The following USP6 variants were observed in gnomAD, a reference collection of about 807,000 sequenced individuals.
USP6 encodes the protein ubiquitin carboxyl-terminal hydrolase 6.
In USP6, 128 loss-of-function variants were observed where a neutral mutation model predicts 175.7. The observed-to-expected ratio is 0.73, with a 90% CI of 0.63 to 0.84. The LOEUF (loss-of-function observed/expected upper bound fraction) is 0.84, where lower values mean the gene tolerates loss of function less well. Ranked by LOEUF, USP6 falls within the 40% of genes least tolerant of loss-of-function variation. The pLI, the probability that USP6 is intolerant of heterozygous loss-of-function variation, is 0.00. For synonymous variants in USP6, 562 were observed against 630.6 expected, an observed-to-expected ratio of 0.89 and a Z score of 1.63; for missense variants, 1,498 against 1,760.3, an observed-to-expected ratio of 0.85 and a Z score of 2.67.
chr17:5,121,271 C>T (rs1457219914), intron 3 of USP6, 104 bp from the exon 4 acceptor site: 1 of 363,086 alleles, frequency 2.8e-6, no homozygotes, highest in Non-Finnish European at 5.4e-6. Flanking sequence ...GCCTTTGGGG[C>T]CCCATAGAGG....
chr17:5,121,567 T>A lies in USP6; in HGVS notation c.-1482T>A, dbSNP rs2072666019. The A allele has an allele frequency of 6.0e-6, 1 of 166,046 alleles. No homozygotes were observed. Among genetic ancestry groups the A allele is most frequent in the Admixed American group, 6.0e-5 (1 of 16,670 alleles). The allele number at this position is 166,046 out of a possible 1,614,324, so 10.3% of individuals were successfully genotyped here. ...AGCCTTATAGACCCCTGCTTGGAGG[T>A]GTGTTACGGGACCCAACTGGCCCAG... On this transcript the variant is annotated 5_prime_UTR_variant, in exon 4 of 38. Coordinates refer to ENST00000574788, the MANE Select transcript of USP6 (RefSeq NM_001304284.2).
intron 7 of USP6, among the ~76,000 whole-genome samples, chr17:5,127,940 G>T (rs1401535937): frequency 6.6e-6 from 1 of 152,222 alleles, no homozygotes; most frequent in Admixed American, 6.5e-5. Context: ...TCCATCTGCT[G>T]TTGGCTGAAT....
chr17:5,135,959 G>A (rs765342936), intron 17 of USP6, 31 bp downstream of exon 17: 24 of 1,597,258 alleles, frequency 1.5e-5, no homozygotes, highest in East Asian at 6.7e-5. Context: ...GGGGCCTCAC[G>A]CAGCCAGACC....
At chr17:5,135,355 T>C (rs2073219793) in intron 16 of USP6, 73 bp downstream of exon 16, 1 of 1,567,420 alleles carries the variant, frequency 6.4e-7, no homozygotes. Context: ...GGTGGGGGTG[T>C]CGTTGCTTCT....
In USP6 at chr17:5,133,462, A is replaced by G. The variant is rs2073142652; in HGVS notation, c.296A>G (p.Lys99Arg). ...HSSKLIDRVY[K>R]GIPMNIRGPV... ...CCACAGCTCATAGATCGAGTGTACAAGGGAATTCCCATGAACATCCGGGGC... is the reference window on the plus strand; with the variant it reads ...CCACAGCTCATAGATCGAGTGTACAGGGGAATTCCCATGAACATCCGGGGC... The change falls in exon 14 of 38, where the codon AAG (lysine) becomes AGG (arginine). Residue 99 changes from lysine to arginine, a missense_variant. Coordinates refer to ENST00000574788, the MANE Select transcript of USP6 (RefSeq NM_001304284.2). 1.2e-6 allele frequency: 2 copies of G among 1,611,436 alleles called. No homozygotes were observed. The highest frequency in any genetic ancestry group is 1.7e-6 in the Non-Finnish European group (2 of 1,179,492).
intron 19 of USP6, 148 bp from the exon 20 acceptor site, chr17:5,137,503 C>T: frequency 1.2e-6 from 1 of 854,040 alleles, no homozygotes; most frequent in Non-Finnish European, 1.8e-6. Context: ...AGTTGCAAGA[C>T]CTTTTCTGAC....
At position 5,142,545 on chromosome 17, in the gene USP6, AG is replaced by A. The variant is rs757234696; in HGVS notation, c.1818+44del. 40 of 1,558,054 alleles carry A rather than the reference AG, an allele frequency of 2.6e-5. No individual in the cohort carries two copies. The African/African-American group carries it at 4.4e-4, about 17-fold the overall frequency. On this transcript the variant is annotated intron_variant, in intron 25 of 37. Transcript: ENST00000574788. ...ATATAAAAGTATTTAATTCCTAAAT[AG>A]TTGTTTAATCATTTTTCTCTACTTG...
chr17:5,133,642 G>C, intron 14 of USP6, 92 bp downstream of exon 14: 1 of 1,020,852 alleles, frequency 9.8e-7, no homozygotes, highest in Non-Finnish European at 1.5e-6. Flanking sequence ...CCTGGGGTGG[G>C]GGGGTGGGAG....
At chr17:5,129,791 C>A (rs911894045) in intron 8 of USP6, 145 bp from the exon 9 acceptor site, 9 of 160,510 alleles carry the variant, frequency 5.6e-5, no homozygotes, top group African/African-American at 2.2e-4. Context: ...AGACAGTAAT[C>A]ATTTTCATCC....
intron 19 of USP6, 82 bp from the exon 20 acceptor site, chr17:5,137,569 A>C: frequency 7.2e-7 from 1 of 1,383,440 alleles, no homozygotes; most frequent in Non-Finnish European, 1.0e-6. Context: ...GACTCTGGAG[A>C]CTGAAGCCCC....
rs985265644 is a variant in USP6, at chr17:5,116,232, T to G, written c.-2436T>G. On this transcript the variant is annotated 5_prime_UTR_variant, in exon 1 of 38. Transcript: ENST00000574788. The stretch of plus-strand genomic sequence containing the variant: ...CGCTCGAGACGCTCATTGAGAGGAC[T>G]TCCCGCCTGCGGGCTCTCTGCTCGA... 7.3e-6 allele frequency among the ~76,000 whole-genome samples: 1 copy of G among 137,822 alleles called. No homozygotes were observed. The highest frequency in any genetic ancestry group is 2.5e-5 in the African/African-American group (1 of 40,262). 90.4% of individuals were successfully genotyped at this position (137,822 alleles called of 152,430 possible).
intron 27 of USP6, 47 bp from the exon 28 acceptor site, chr17:5,145,976 C>G: frequency 6.5e-7 from 1 of 1,529,470 alleles, no homozygotes; most frequent in Non-Finnish European, 8.8e-7. Flanking sequence ...TTAAGGCTTT[C>G]AATGAAACCT....
intron 18 of USP6, 65 bp from the exon 19 acceptor site, chr17:5,137,056 C>T: frequency 6.5e-7 from 1 of 1,539,284 alleles, no homozygotes; most frequent in Non-Finnish European, 9.0e-7. Context: ...TCTTCAGAGG[C>T]CCTGGAAGAT....
intron 30 of USP6, 148 bp downstream of exon 30, chr17:5,148,915 T>C: frequency 2.1e-6 from 3 of 1,396,692 alleles, no homozygotes; most frequent in Non-Finnish European, 2.8e-6. Flanking sequence ...AATTTTATTT[T>C]TTTACTTTTC....
intron 16 of USP6, 74 bp downstream of exon 16, chr17:5,135,356 C>T (rs780195379): frequency 1.7e-5 from 26 of 1,564,276 alleles, no homozygotes; most frequent in East Asian, 9.0e-5. Flanking sequence ...GTGGGGGTGT[C>T]GTTGCTTCTT....
At chr17:5,139,121 C>T (rs778258591) in intron 21 of USP6, 134 bp from the exon 22 acceptor site, 56 of 1,596,912 alleles carry the variant, frequency 3.5e-5, no homozygotes, top group South Asian at 5.5e-5. Flanking sequence ...AGACTACAGG[C>T]GTGTCGTCAG....
chr17:5,169,617 T>C lies in USP6; in HGVS notation c.3517+562T>C, dbSNP rs544296166. On this transcript the variant is annotated intron_variant, in intron 35 of 37. Transcript: ENST00000574788. ...CCACTGCACCTGGCTAATTTTTGTA[T>C]TTTTTGTAGAGATGGTGCTTCGCCA... Among the ~76,000 whole-genome samples the C allele has an allele frequency of 3.9e-5, 6 of 152,204 alleles. No homozygotes were observed. In the South Asian group the frequency reaches 1.2e-3, roughly 32 times the overall value.
chr17:5,118,342 C>T (rs2072579166), intron 2 of USP6, 52 bp downstream of exon 2: 1 of 152,484 alleles, frequency 6.6e-6, no homozygotes. Flanking sequence ...CCAGCATGAG[C>T]AAGCTCTTTG....
At chr17:5,155,790 A>G (rs1471754365) in intron 31 of USP6, among the ~76,000 whole-genome samples, 184 bp downstream of exon 31, 1 of 152,196 alleles carries the variant, frequency 6.6e-6, no homozygotes, top group African/African-American at 2.4e-5. Flanking sequence ...AGAACCACTC[A>G]GAGAGCATAC....
Sources: gnomAD v4.1 joint callset for allele counts (sites outside exome capture counted in the v4.1 genomes callset) on GRCh38, gnomAD v4.1.1 for gene constraint, MANE v1.5 for transcripts, NCBI Gene and HGNC (gene_info 2026-07-23, HGNC 2026-07-21) for gene names.